Variants in ACSS3 observed in about 807,000 individuals in gnomAD.
ACSS3 encodes the protein acyl-CoA synthetase short chain family member 3.
A neutral mutation model predicts 84.2 loss-of-function variants in ACSS3; 64 were observed. That is an observed-to-expected ratio of 0.76 (90% confidence interval 0.62 to 0.94). The LOEUF is 0.94. Among genes scored for constraint, ACSS3 ranks in the 40% least tolerant of loss-of-function variants. The probability of loss-of-function intolerance (pLI) is 0.00; values close to 1 mark genes in which losing one functional copy is unlikely to be tolerated. For missense variants in ACSS3, 815 were observed against 867.6 expected (o/e 0.94, Z 0.76); for synonymous variants, 317 against 310.1 (o/e 1.02, Z -0.23).
At chr12:81,241,311 T>G (rs1266078255) in intron 13 of ACSS3, among the ~76,000 whole-genome samples, 1 of 152,162 alleles carries the variant, frequency 6.6e-6, no homozygotes, top group East Asian at 1.9e-4. Flanking sequence ...TGCATGTGTC[T>G]TTATAGCAGC....
intron 5 of ACSS3, among the ~76,000 whole-genome samples, chr12:81,144,884 GTTTTCTTTTTTTTC>G (rs961071067): frequency 5.6e-5 from 8 of 143,504 alleles, no homozygotes; most frequent in Non-Finnish European, 7.6e-5. Context: ...GCTATTCCAG[GTTTTCTTTTTTTTC>G]TTTTCTTTTT....
At chr12:81,119,012 GTTCT>G (rs1396303493) in intron 2 of ACSS3, among the ~76,000 whole-genome samples, 1 of 152,112 alleles carries the variant, frequency 6.6e-6, no homozygotes, top group African/African-American at 2.4e-5. Flanking sequence ...TATTTCGTAG[GTTCT>G]TTCTAATTTC....
At chr12:81,204,382 T>C (rs984380408) in intron 9 of ACSS3, among the ~76,000 whole-genome samples, 1 of 145,390 alleles carries the variant, frequency 6.9e-6, no homozygotes, top group African/African-American at 2.5e-5. Context: ...GTTCTCTTCC[T>C]CCCTTCTTTC....
chr12:81,156,605 CAG>C (rs1277444995), intron 7 of ACSS3, among the ~76,000 whole-genome samples: 1 of 152,000 alleles, frequency 6.6e-6, no homozygotes, highest in Non-Finnish European at 1.5e-5. Context: ...ACATGTGAAA[CAG>C]TAGATATCAC....
intron 4 of ACSS3, 151 bp from the exon 5 acceptor site, chr12:81,142,956 C>A: frequency 1.5e-6 from 1 of 688,002 alleles, no homozygotes; most frequent in Non-Finnish European, 2.1e-6. Flanking sequence ...AAATCATGAA[C>A]TTGAACTTTT....
chr12:81,137,624 A>G (rs1565998431), intron 3 of ACSS3, among the ~76,000 whole-genome samples: 1 of 152,214 alleles, frequency 6.6e-6, no homozygotes, highest in African/African-American at 2.4e-5. Flanking sequence ...AAGATCTCCC[A>G]TAAGACTGTT....
At chr12:81,219,137 AGAATGTG>A (rs2033021107) in intron 10 of ACSS3, among the ~76,000 whole-genome samples, 1 of 152,164 alleles carries the variant, frequency 6.6e-6, no homozygotes, top group African/African-American at 2.4e-5. Context: ...AACGGGTTAC[AGAATGTG>A]CCTGGGGCAT....
intron 11 of ACSS3, among the ~76,000 whole-genome samples, chr12:81,223,658 C>G (rs533510909): frequency 1.3e-4 from 20 of 152,114 alleles, no homozygotes; most frequent in African/African-American, 4.8e-4. Context: ...AGTCTTTTGT[C>G]TGCCCTGAGG....
At chr12:81,203,844 G>T (rs1322592523) in intron 9 of ACSS3, among the ~76,000 whole-genome samples, 2 of 152,076 alleles carry the variant, frequency 1.3e-5, no homozygotes, top group Non-Finnish European at 2.9e-5. Context: ...TCCATAAAAA[G>T]ATTAAAAACA....
At chr12:81,234,693 C>CT (rs2135976477) in intron 13 of ACSS3, among the ~76,000 whole-genome samples, 1 of 151,288 alleles carries the variant, frequency 6.6e-6, no homozygotes, top group East Asian at 1.9e-4. Flanking sequence ...ATCCATATAC[C>CT]TTTTTTGATG....
At chr12:81,172,262 A>AAAAAAAAAAAAAAC in intron 7 of ACSS3, among the ~76,000 whole-genome samples, 1 of 149,036 alleles carries the variant, frequency 6.7e-6, no homozygotes, top group African/African-American at 2.5e-5. Context: ...TCTGTCTCAA[A>AAAAAAAAAAAAAAC]AAAAAAAAAA....
intron 9 of ACSS3, among the ~76,000 whole-genome samples, chr12:81,208,548 C>G (rs1329017845): frequency 6.6e-6 from 1 of 152,090 alleles, no homozygotes; most frequent in African/African-American, 2.4e-5. Flanking sequence ...CTGCCAGTCA[C>G]CTGCACCAGA....
At chr12:81,115,420 A>C (rs2121522024) in intron 2 of ACSS3, among the ~76,000 whole-genome samples, 1 of 152,174 alleles carries the variant, frequency 6.6e-6, no homozygotes, top group Non-Finnish European at 1.5e-5. Flanking sequence ...ATGACAAATG[A>C]AGTTGAACTT....
chr12:81,201,746 G>A (rs963002755), intron 9 of ACSS3, among the ~76,000 whole-genome samples: 3 of 152,160 alleles, frequency 2.0e-5, no homozygotes, highest in Admixed American at 6.5e-5. Context: ...TCCTCATCCC[G>A]TTTGCTTTTA....
chr12:81,225,910 A>G (rs1450398991), intron 11 of ACSS3, among the ~76,000 whole-genome samples: 1 of 151,882 alleles, frequency 6.6e-6, no homozygotes, highest in Non-Finnish European at 1.5e-5. Context: ...TTTCTTCTCT[A>G]CTGTTCAAAT....
chr12:81,221,536 G>A (rs1364872407), intron 11 of ACSS3, among the ~76,000 whole-genome samples: 2 of 152,098 alleles, frequency 1.3e-5, no homozygotes, highest in African/African-American at 4.8e-5. Context: ...TACAAGTTAT[G>A]ATGTAATTCT....
intron 7 of ACSS3, among the ~76,000 whole-genome samples, chr12:81,164,327 C>T (rs966406578): frequency 6.6e-6 from 1 of 152,138 alleles, no homozygotes; most frequent in Non-Finnish European, 1.5e-5. Flanking sequence ...TGGTAGGCTT[C>T]ACCATCTAGG....
chr12:81,213,963 CTTTCTTTCTT>C (rs2032787093), intron 9 of ACSS3, among the ~76,000 whole-genome samples: 1 of 81,858 alleles, frequency 1.2e-5, no homozygotes, highest in African/African-American at 4.9e-5. Flanking sequence ...CTCTCTCTTT[CTTTCTTTCTT>C]TCTTTCTTTC....
At chr12:81,236,838 G>C (rs1212755432) in intron 13 of ACSS3, among the ~76,000 whole-genome samples, 5 of 150,908 alleles carry the variant, frequency 3.3e-5, no homozygotes, top group Admixed American at 2.0e-4. Flanking sequence ...GTTATTGCTT[G>C]GTTTTTAATA....
Sources: gnomAD v4.1 joint callset for allele counts (sites outside exome capture counted in the v4.1 genomes callset) on GRCh38, gnomAD v4.1.1 for gene constraint, MANE v1.5 for transcripts, NCBI Gene and HGNC (gene_info 2026-07-23, HGNC 2026-07-21) for gene names.